Variants in MSI1 observed in about 807,000 individuals in gnomAD.
The protein encoded by MSI1 is RNA-binding protein Musashi homolog 1.
A neutral mutation model predicts 54.4 loss-of-function variants in MSI1; 15 were observed. That is an observed-to-expected ratio of 0.28 (90% CI 0.18 to 0.42). MSI1 has a LOEUF of 0.42. Ranked by LOEUF, MSI1 falls within the 20% of genes least tolerant of loss-of-function variation. The pLI, the probability that MSI1 is intolerant of heterozygous loss-of-function variation, is 1.00. For missense variants in MSI1, 304 were observed against 506.0 expected (o/e 0.60, Z 3.83); for synonymous variants, 200 against 196.5 (o/e 1.02, Z -0.15).
chr12:120,359,178 C>T (rs1229785180), intron 6 of MSI1, 125 bp from the exon 7 acceptor site: 1 of 1,147,894 alleles, frequency 8.7e-7, no homozygotes, highest in African/African-American at 1.5e-5. Flanking sequence ...AACCTGCTCC[C>T]TGCACAGGGG....
intron 10 of MSI1, among the ~76,000 whole-genome samples, chr12:120,352,154 A>C (rs1874671151): frequency 6.6e-6 from 1 of 151,976 alleles, no homozygotes. Flanking sequence ...AGTAGCTGGG[A>C]CCACAGGCAC....
chr12:120,365,516 A>G (rs966461067), intron 4 of MSI1, among the ~76,000 whole-genome samples: 56 of 152,220 alleles, frequency 3.7e-4, no homozygotes, highest in African/African-American at 1.4e-3. Flanking sequence ...CTGACTTCAC[A>G]CAGATGACCT....
chr12:120,368,355 G>A lies in MSI1; in HGVS notation c.101-82C>T. 1 of 1,427,560 alleles carries A rather than the reference G, an allele frequency of 7.0e-7. No homozygotes were observed. Among genetic ancestry groups the A allele is most frequent in the South Asian group, 1.3e-5 (1 of 77,892 alleles). The allele number at this position is 1,427,560 out of a possible 1,614,324, so 88.4% of individuals were successfully genotyped here. A position where few individuals can be genotyped will look rare whatever the true frequency, so the allele number is the denominator to read the frequency against. On this transcript the variant is annotated intron_variant, in intron 2 of 14. Coordinates refer to ENST00000257552, the MANE Select transcript of MSI1 (RefSeq NM_002442.4). The surrounding 1 kb of genome is among the most constrained non-coding windows in gnomAD (Gnocchi z 6.6). ...CCGTCCTTTGCCCCCGGTGACCCCG[G>A]AGCGGCCCGGCCGCCCCCGCGCCAA...
At chr12:120,355,981 C>T (rs1017044369) in intron 9 of MSI1, among the ~76,000 whole-genome samples, 1 of 152,084 alleles carries the variant, frequency 6.6e-6, no homozygotes, top group Non-Finnish European at 1.5e-5. Context: ...CCCAGGGAGC[C>T]TATGAGCTTC....
chr12:120,347,051 G>T (rs375470671), intron 12 of MSI1, among the ~76,000 whole-genome samples: 3 of 152,206 alleles, frequency 2.0e-5, no homozygotes, highest in South Asian at 2.1e-4. Context: ...CCGGGTTCAA[G>T]CGATTCTCCT....
Position 120,342,570 on chromosome 12 carries a change from G to C in MSI1, c.*557C>G, listed in dbSNP as rs1226809032. The C allele has an allele frequency of 6.6e-6, 1 of 151,882 alleles. No homozygotes were observed. The highest frequency in any genetic ancestry group is 1.5e-5 in the Non-Finnish European group (1 of 67,856). 9.4% of individuals were successfully genotyped at this position (151,882 alleles called of 1,614,324 possible). A position where few individuals can be genotyped will look rare whatever the true frequency, so the allele number is the denominator to read the frequency against. On this transcript the variant is annotated 3_prime_UTR_variant, in exon 15 of 15. Coordinates refer to ENST00000257552, the MANE Select transcript of MSI1 (RefSeq NM_002442.4). ...GATAGACACTTTGTTCTCAGCTGGT[G>C]GGGGGCACCTGGCCCCTTGCCCCCT...
chr12:120,359,073 G>C lies in MSI1; in HGVS notation c.403-20C>G, dbSNP rs1274811630. 1.9e-6 allele frequency: 3 copies of C among 1,553,150 alleles called. No individual in the cohort carries two copies. The African/African-American group carries it at 4.1e-5, about 21-fold the overall frequency. On this transcript the variant is annotated intron_variant, in intron 6 of 14. Coordinates refer to ENST00000257552, the MANE Select transcript of MSI1 (RefSeq NM_002442.4). ...GTCCACCTGAAACACAGCCCGCCAT[G>C]GAGGACCCAGCAGATACCAGCGGAA... is the stretch of plus-strand genomic sequence containing the variant.
At chr12:120,365,649 G>A (rs1466372863) in intron 4 of MSI1, among the ~76,000 whole-genome samples, 1 of 152,206 alleles carries the variant, frequency 6.6e-6, no homozygotes, top group Admixed American at 6.5e-5. Context: ...TGTTTTCGCA[G>A]TACTATCAAC....
intron 9 of MSI1, among the ~76,000 whole-genome samples, 179 bp downstream of exon 9, chr12:120,356,723 C>T (rs966427502): frequency 1.3e-5 from 2 of 152,228 alleles, no homozygotes; most frequent in Non-Finnish European, 2.9e-5. Context: ...ACCCCCCAAC[C>T]AAACCACCCC....
At chr12:120,352,040 C>T (rs928352989) in intron 10 of MSI1, among the ~76,000 whole-genome samples, 12 of 137,674 alleles carry the variant, frequency 8.7e-5, no homozygotes, top group Non-Finnish European at 1.9e-4. Flanking sequence ...AAAAAAAAGA[C>T]AGGGTCTCAC....
chr12:120,350,032 A>C (rs973275800), intron 11 of MSI1, among the ~76,000 whole-genome samples: 3 of 152,126 alleles, frequency 2.0e-5, no homozygotes, highest in Non-Finnish European at 4.4e-5. Context: ...TCCTGTGCAC[A>C]GTAGGTCCGT....
In MSI1 at chr12:120,368,718, C is replaced by A. The variant is rs1379939838; in HGVS notation, c.100+115G>T. 6.0e-6 allele frequency: 6 copies of A among 1,003,600 alleles called. No individual in the cohort carries two copies. Among genetic ancestry groups the A allele is most frequent in the East Asian group, 7.7e-5 (2 of 25,814 alleles). The allele number at this position is 1,003,600 out of a possible 1,614,324, so 62.2% of individuals were successfully genotyped here. Reference sequence around the variant, plus strand: ...TCTCCGGGCGGGGCGCGAAAGAGGGCGCGAGGGCGCCCGGGGTCAGCAGGG... The same window carrying A: ...TCTCCGGGCGGGGCGCGAAAGAGGGAGCGAGGGCGCCCGGGGTCAGCAGGG... On this transcript the variant is annotated intron_variant, in intron 2 of 14. Coordinates refer to ENST00000257552, the MANE Select transcript of MSI1 (RefSeq NM_002442.4). This position sits in a 1 kb window ranked among gnomAD's most constrained non-coding sequence, Gnocchi z 6.6.
Position 120,346,230 on chromosome 12 carries a change from C to T in MSI1, c.952G>A (p.Glu318Lys). The change falls in exon 13 of 15, where the codon GAG becomes AAG. Residue 318 changes from glutamate to lysine, a missense_variant. Around this residue, in one of 4 missense-constraint regions of MSI1, gnomAD observed 147 missense variants for 231.5 expected, o/e 0.64. Transcript: ENST00000257552. ...TCCTGGTTGGCCGCCCCGTAGAGCT[C>T]GGCCATGGGGCCGGGGCTGGTGGTC... ...LGTTSPGPMAELYGAANQDSG... is the reference protein window; with the variant it reads ...LGTTSPGPMAKLYGAANQDSG... 1 of 1,596,814 alleles carries T rather than the reference C, an allele frequency of 6.3e-7. No homozygotes were observed. The highest frequency in any genetic ancestry group is 8.5e-7 in the Non-Finnish European group (1 of 1,172,256).
In MSI1 at chr12:120,346,100, G is replaced by A; in HGVS notation, c.1047+35C>T. 4 of 1,487,482 alleles carry A rather than the reference G, an allele frequency of 2.7e-6. No individual in the cohort carries two copies. The South Asian group carries it at 5.1e-5, about 19-fold the overall frequency. 92.1% of individuals were successfully genotyped at this position (1,487,482 alleles called of 1,614,324 possible). ...ACTTGGGGGTCTCTCAAGGTGTGGG[G>A]GGTGAGGTGGGGGCCGCTAGGCCTG... On this transcript the variant is annotated intron_variant, in intron 13 of 14. Coordinates refer to ENST00000257552, the MANE Select transcript of MSI1 (RefSeq NM_002442.4).
chr12:120,352,017 TAAAAAAAA>T (rs34535893), intron 10 of MSI1, among the ~76,000 whole-genome samples: 1 of 125,488 alleles, frequency 8.0e-6, no homozygotes, highest in African/African-American at 3.0e-5. Flanking sequence ...CCTTTTTATT[TAAAAAAAA>T]AAAAAAAAAA....
chr12:120,345,054 C>T (rs1873996097), intron 14 of MSI1, among the ~76,000 whole-genome samples: 1 of 150,934 alleles, frequency 6.6e-6, no homozygotes, highest in Non-Finnish European at 1.5e-5. Flanking sequence ...AATAAACGAT[C>T]TTAAAAAATC....
chr12:120,369,048 G>A lies in MSI1; in HGVS notation c.44C>T (p.Ser15Leu). The A allele has an allele frequency of 9.7e-7, 1 of 1,033,570 alleles. No homozygotes were observed. Among genetic ancestry groups the A allele is most frequent in the Non-Finnish European group, 1.2e-6 (1 of 863,658 alleles). 64.0% of individuals were successfully genotyped at this position (1,033,570 alleles called of 1,614,324 possible). ...CGGGCCGTACCAGGGGTCGTGCGGC[G>A]AGTCCGGGGAGGCGAGGCCGGGCTG... ...APQPGLASPD[S>L]PHDPCKMFIG... The change falls in exon 1 of 15, where the codon TCG becomes TTG. Residue 15 changes from serine (S) to leucine (L), a missense_variant. By Grantham distance (145) the Ser-to-Leu change is moderately radical (BLOSUM62 -2). Coordinates refer to ENST00000257552, the MANE Select transcript of MSI1 (RefSeq NM_002442.4).
At chr12:120,365,748 C>T (rs754785671) in intron 4 of MSI1, among the ~76,000 whole-genome samples, 2 of 152,150 alleles carry the variant, frequency 1.3e-5, no homozygotes, top group African/African-American at 2.4e-5. Flanking sequence ...TCTTCGGTGA[C>T]GTGAAAGGGC....
rs1300474468 is a variant in MSI1, at chr12:120,368,331, C to T, written c.101-58G>A. ...GGGCCCCGCGCCCTTCCCCCCCCCC[C>T]GTCCTTTGCCCCCGGTGACCCCGGA... On this transcript the variant is annotated intron_variant, in intron 2 of 14. Coordinates refer to ENST00000257552, the MANE Select transcript of MSI1 (RefSeq NM_002442.4). The surrounding 1 kb of genome is among the most constrained non-coding windows in gnomAD (Gnocchi z 6.6). 6.6e-7 allele frequency: 1 copy of T among 1,520,368 alleles called. No homozygotes were observed. The highest frequency in any genetic ancestry group is 8.9e-7 in the Non-Finnish European group (1 of 1,128,182). 94.2% of individuals were successfully genotyped at this position (1,520,368 alleles called of 1,614,324 possible).
Sources: gnomAD v4.1 joint callset for allele counts (sites outside exome capture counted in the v4.1 genomes callset) on GRCh38, gnomAD v4.1.1 for gene constraint, gnomAD v4.1.1 regional missense constraint, Gnocchi (gnomAD v3.1) non-coding constraint, MANE v1.5 for transcripts, NCBI Gene and HGNC (gene_info 2026-07-23, HGNC 2026-07-21) for gene names.